HSH2D: variants seen among roughly 807,000 people sequenced by gnomAD.
HSH2D encodes hematopoietic SH2 domain-containing protein.
A neutral mutation model predicts 21.5 loss-of-function variants in HSH2D; 16 were observed. That is an observed-to-expected ratio of 0.74 (90% CI 0.50 to 1.13). The LOEUF (loss-of-function observed/expected upper bound fraction) is 1.13, where lower values mean the gene tolerates loss of function less well. Among genes scored for constraint, HSH2D ranks in the 50% most tolerant of loss-of-function variants. The pLI is 0.00. For missense variants in HSH2D, 418 were observed against 441.4 expected, an observed-to-expected ratio of 0.95 and a Z score of 0.47; for synonymous variants, 172 against 184.7, an observed-to-expected ratio of 0.93 and a Z score of 0.56.
intron 1 of HSH2D, among the ~76,000 whole-genome samples, chr19:16,138,052 G>A (rs2090976036): frequency 6.6e-6 from 1 of 151,976 alleles, no homozygotes; most frequent in Non-Finnish European, 1.5e-5. Flanking sequence ...ATTTTTAGTA[G>A]AGATGGAGTT....
Position 16,154,505 on chromosome 19 carries a change from A to T in HSH2D, c.474+14A>T. ...GCCCCTGAGGAGGTATGTATATGAC[A>T]GGAGGCTGGCACCTCCCACCTGGCT... On this transcript the variant is annotated intron_variant, in intron 5 of 5. Coordinates refer to ENST00000613986, the MANE Select transcript of HSH2D (RefSeq NM_001382417.1). 6.5e-7 allele frequency: 1 copy of T among 1,531,806 alleles called. No homozygotes were observed. Among genetic ancestry groups the T allele is most frequent in the Non-Finnish European group, 8.8e-7 (1 of 1,130,384 alleles). The allele number at this position is 1,531,806 out of a possible 1,614,324, so 94.9% of individuals were successfully genotyped here. A position where few individuals can be genotyped will look rare whatever the true frequency, so the allele number is the denominator to read the frequency against.
chr19:16,154,169 A>T (rs1463954098), intron 4 of HSH2D, among the ~76,000 whole-genome samples: 3 of 152,088 alleles, frequency 2.0e-5, no homozygotes, highest in Non-Finnish European at 2.9e-5. Context: ...CCTAGCTCCC[A>T]AGAACGTGCT....
intron 1 of HSH2D, among the ~76,000 whole-genome samples, chr19:16,136,158 G>C (rs1040377897): frequency 6.6e-6 from 1 of 152,120 alleles, no homozygotes. Context: ...CTCCGAGCAC[G>C]CACTCAGGAG....
In HSH2D at chr19:16,149,827, G is replaced by A. The variant is rs1355051780; in HGVS notation, c.125+952G>A. ...AACTCCTGACCTCAAGTGATCTGCC[G>A]GCCTCGGCCTCCCAAAGTGCTGGGA... On this transcript the variant is annotated intron_variant, in intron 2 of 5. Transcript: ENST00000613986. Among the ~76,000 whole-genome samples, 5 of 147,692 alleles carry A rather than the reference G, an allele frequency of 3.4e-5. No individual in the cohort carries two copies. The East Asian group carries it at 6.3e-4, about 19-fold the overall frequency.
At chr19:16,154,640 C>T in intron 5 of HSH2D, 149 bp downstream of exon 5, 1 of 539,406 alleles carries the variant, frequency 1.9e-6, no homozygotes, top group South Asian at 2.1e-5. Context: ...TTTGCAACAC[C>T]GAGATTAAAA....
intron 5 of HSH2D, chr19:16,155,621 T>G (rs1198814700): frequency 4.5e-5 from 1 of 22,382 alleles, no homozygotes; most frequent in South Asian, 1.4e-3. Flanking sequence ...TGGGAGGACT[T>G]TTTTTTTTTT....
At chr19:16,154,816 T>G in intron 5 of HSH2D, 1 of 208,782 alleles carries the variant, frequency 4.8e-6, no homozygotes. Flanking sequence ...CCCCTAGATT[T>G]CCCATGTCTT....
intron 1 of HSH2D, among the ~76,000 whole-genome samples, chr19:16,145,010 T>G (rs113263167): frequency 1.7e-4 from 26 of 149,548 alleles, no homozygotes; most frequent in East Asian, 5.9e-4. Context: ...TTTTTTGTTG[T>G]TGGTGGTGAT....
Position 16,157,811 on chromosome 19 carries a change from G to C in HSH2D, c.*17G>C. 6.5e-7 allele frequency: 1 copy of C among 1,544,892 alleles called. No individual in the cohort carries two copies. Among genetic ancestry groups the C allele is most frequent in the Non-Finnish European group, 8.7e-7 (1 of 1,148,598 alleles). On this transcript the variant is annotated 3_prime_UTR_variant, in exon 6 of 6. Transcript: ENST00000613986. This position sits in a 1 kb window ranked among gnomAD's most constrained non-coding sequence, Gnocchi z 4.4. Reference sequence around the variant, plus strand: ...TACTGCTAGAGAACAGGTCCACCCTGGCTCTGGGACTCGCTGCCAGGGGCT... The same window carrying C: ...TACTGCTAGAGAACAGGTCCACCCTCGCTCTGGGACTCGCTGCCAGGGGCT...
chr19:16,151,687 A>G, intron 2 of HSH2D: 1 of 426,394 alleles, frequency 2.3e-6, no homozygotes, highest in African/African-American at 2.1e-5. Context: ...CTGGCCTGAG[A>G]TCAAGGTCAT....
intron 1 of HSH2D, among the ~76,000 whole-genome samples, chr19:16,146,478 C>T (rs1336240988): frequency 6.6e-6 from 1 of 152,058 alleles, no homozygotes; most frequent in Non-Finnish European, 1.5e-5. Flanking sequence ...GAGTTCAAAG[C>T]CAGACTGGAC....
intron 3 of HSH2D, 168 bp from the exon 4 acceptor site, chr19:16,152,875 A>G: frequency 1.2e-6 from 1 of 841,892 alleles, no homozygotes; most frequent in Non-Finnish European, 2.0e-6. Context: ...ACTGAGGCAC[A>G]GCGAGGTTAG....
At chr19:16,151,094 C>T (rs1045220808) in intron 2 of HSH2D, among the ~76,000 whole-genome samples, 29 of 151,916 alleles carry the variant, frequency 1.9e-4, no homozygotes, top group African/African-American at 6.5e-4. Context: ...GAGGCCGAGG[C>T]GGGCGGATCA....
At chr19:16,139,117 C>T (rs1157877715), upstream of HSH2D, among the ~76,000 whole-genome samples, 2 of 152,200 alleles carry the variant, frequency 1.3e-5, no homozygotes, top group East Asian at 1.9e-4. Context: ...CTCGGCCTCC[C>T]GAAGAGCTGG....
chr19:16,155,619 C>CTTTTTTTTTTTTTTTTTTT (rs35262744), intron 5 of HSH2D: 5 of 114,178 alleles, frequency 4.4e-5, no homozygotes, highest in African/African-American at 1.6e-4. Context: ...CATGGGAGGA[C>CTTTTTTTTTTTTTTTTTTT]TTTTTTTTTT....
intron 1 of HSH2D, among the ~76,000 whole-genome samples, chr19:16,135,143 G>A (rs539079705): frequency 7.2e-5 from 11 of 152,014 alleles, no homozygotes; most frequent in East Asian, 1.9e-4. Context: ...ATGGTTGCAC[G>A]CGCCTGTAGT....
intron 1 of HSH2D, among the ~76,000 whole-genome samples, chr19:16,144,729 G>A (rs1387443111): frequency 8.5e-6 from 1 of 118,020 alleles, no homozygotes; most frequent in Non-Finnish European, 1.6e-5. Flanking sequence ...GTCTTGCTCT[G>A]TCGCCCAGGC....
In HSH2D at chr19:16,148,779, C is replaced by T. The variant is rs369080669; in HGVS notation, c.29C>T (p.Pro10Leu). ...ACAGAGGCCGGGAAGCTGCCCCTACCGCTACCCCCACGGCTGGACTGGTTT... is the reference window on the plus strand; with the variant it reads ...ACAGAGGCCGGGAAGCTGCCCCTACTGCTACCCCCACGGCTGGACTGGTTT... MTEAGKLPL[P>L]LPPRLDWFVH... The change falls in exon 2 of 6, where the codon CCG (proline) becomes CTG (leucine). Residue 10 changes from proline to leucine, a missense_variant. Physicochemically the swap from Pro to Leu is moderately conservative, Grantham distance 98. Transcript: ENST00000613986. The T allele has an allele frequency of 2.4e-5, 38 of 1,613,836 alleles. No individual in the cohort carries two copies. The East Asian group carries it at 2.9e-4, about 12-fold the overall frequency.
intron 1 of HSH2D, among the ~76,000 whole-genome samples, chr19:16,135,907 C>T (rs1018989083): frequency 4.6e-5 from 7 of 152,166 alleles, no homozygotes; most frequent in African/African-American, 7.2e-5. Flanking sequence ...ATGAAGGACA[C>T]GCAAATGGCC....
Sources: allele counts gnomAD v4.1 joint callset (sites outside exome capture counted in the v4.1 genomes callset), GRCh38; gene constraint gnomAD v4.1.1; non-coding constraint Gnocchi (gnomAD v3.1); transcripts MANE v1.5; gene names NCBI Gene and HGNC (gene_info 2026-07-23, HGNC 2026-07-21).